CD84: variants seen among roughly 807,000 people sequenced by gnomAD.
The protein encoded by CD84 is CD84 molecule.
In CD84, 22 loss-of-function variants were observed where a neutral mutation model predicts 33.8. The ratio of observed to expected loss-of-function variants is 0.65; its 90% CI spans 0.46 to 0.93. The LOEUF is 0.93. Among genes scored for constraint, CD84 ranks in the 40% least tolerant of loss-of-function variants. The pLI, the probability that CD84 is intolerant of heterozygous loss-of-function variation, is 0.00. For synonymous variants in CD84, 154 were observed against 145.2 expected, an observed-to-expected ratio of 1.06 and a Z score of -0.44; for missense variants, 400 against 397.6, an observed-to-expected ratio of 1.01 and a Z score of -0.05.
intron 1 of CD84, among the ~76,000 whole-genome samples, chr1:160,567,768 T>C (rs872406): frequency 0.05 from 7,568 of 152,160 alleles, 642 homozygotes; most frequent in African/African-American, 0.17. Context: ...TGCCAAAATT[T>C]AAGAACATTA....
At chr1:160,559,602 T>C (rs1267171928) in intron 2 of CD84, among the ~76,000 whole-genome samples, 1 of 152,102 alleles carries the variant, frequency 6.6e-6, no homozygotes, top group East Asian at 1.9e-4. Flanking sequence ...GCTAGCATAA[T>C]GATGACACGA....
rs534642881 is a variant in CD84, at chr1:160,550,079, C to A, written c.859-100G>T. ...TACCCACCATCCTTCCCTGGTCCCA[C>A]ATTTACTGGGTGGCCTCCCCTTTGG... On this transcript the variant is annotated intron_variant, in intron 5 of 6. Coordinates refer to ENST00000368054, the MANE Select transcript of CD84 (RefSeq NM_003874.4). 38 of 845,658 alleles carry A rather than the reference C, an allele frequency of 4.5e-5. No homozygotes were observed. The East Asian group carries it at 7.3e-4, about 16-fold the overall frequency. The allele number at this position is 845,658 out of a possible 1,614,324, so 52.4% of individuals were successfully genotyped here.
chr1:160,551,371 G>T, intron 4 of CD84: 1 of 267,116 alleles, frequency 3.7e-6, no homozygotes, highest in East Asian at 1.2e-4. Flanking sequence ...TGTCTTGCAT[G>T]GCTAGTTGAC....
chr1:160,546,464 G>A lies in CD84; in HGVS notation c.*1792C>T, dbSNP rs2102113888. 2 of 152,378 alleles carry A rather than the reference G, an allele frequency of 1.3e-5. No individual in the cohort carries two copies. Among genetic ancestry groups the A allele is most frequent in the Non-Finnish European group, 1.5e-5 (1 of 68,068 alleles). 9.4% of individuals were successfully genotyped at this position (152,378 alleles called of 1,614,324 possible). A position where few individuals can be genotyped will look rare whatever the true frequency, so the allele number is the denominator to read the frequency against. On this transcript the variant is annotated 3_prime_UTR_variant, in exon 7 of 7. Coordinates refer to ENST00000368054, the MANE Select transcript of CD84 (RefSeq NM_003874.4). ...TCCTGATACCAGGGAAAGCTTTACA[G>A]AAGAGGTACCTTTTGAGGTGGGCAT...
intron 1 of CD84, among the ~76,000 whole-genome samples, chr1:160,574,184 G>A (rs1657864790): frequency 6.6e-6 from 1 of 150,846 alleles, no homozygotes; most frequent in South Asian, 2.1e-4. Flanking sequence ...AGAAAAACAA[G>A]GCAGAAAATC....
At chr1:160,561,775 G>A (rs796573837) in intron 2 of CD84, among the ~76,000 whole-genome samples, 12 of 152,048 alleles carry the variant, frequency 7.9e-5, no homozygotes, top group African/African-American at 2.7e-4. Flanking sequence ...CATAATCTCA[G>A]GCCAATATTT....
chr1:160,563,427 C>A (rs1449292176), intron 2 of CD84, among the ~76,000 whole-genome samples: 1 of 152,084 alleles, frequency 6.6e-6, no homozygotes, highest in African/African-American at 2.4e-5. Flanking sequence ...TAAAAAGGAA[C>A]AAGATCATGT....
rs1017990633 is a variant in CD84, at chr1:160,553,157, C to G, written c.760+221G>C. On this transcript the variant is annotated intron_variant, in intron 4 of 6. Transcript: ENST00000368054. Reference sequence around the variant, plus strand: ...ACTAAGCTCGAACCCATGTTCTGGGCCCACCAGCTACTGGTGATCTCAGGA... The same window carrying G: ...ACTAAGCTCGAACCCATGTTCTGGGGCCACCAGCTACTGGTGATCTCAGGA... The G allele has an allele frequency of 3.6e-5, 26 of 717,388 alleles. No individual in the cohort carries two copies. The African/African-American group carries it at 3.9e-4, about 11-fold the overall frequency. 44.4% of individuals were successfully genotyped at this position (717,388 alleles called of 1,614,324 possible). A position where few individuals can be genotyped will look rare whatever the true frequency, so the allele number is the denominator to read the frequency against.
At chr1:160,562,998 A>G (rs574434400) in intron 2 of CD84, among the ~76,000 whole-genome samples, 1 of 152,350 alleles carries the variant, frequency 6.6e-6, no homozygotes, top group African/African-American at 2.4e-5. Context: ...AAAGCTAAAC[A>G]TCACTGATCA....
intron 1 of CD84, among the ~76,000 whole-genome samples, chr1:160,569,530 ACACACACACACG>A (rs763107360): frequency 1.5e-4 from 20 of 131,256 alleles, no homozygotes; most frequent in South Asian, 1.1e-3. Flanking sequence ...ACACACACAC[ACACACACACACG>A]CACGCACGCA....
intron 1 of CD84, among the ~76,000 whole-genome samples, chr1:160,577,523 A>T (rs1018121783): frequency 3.9e-5 from 6 of 152,124 alleles, no homozygotes; most frequent in African/African-American, 1.4e-4. Context: ...TCTCACTCCT[A>T]GTTTCCTTTT....
intron 1 of CD84, among the ~76,000 whole-genome samples, chr1:160,572,908 T>C (rs764006073): frequency 2.6e-5 from 4 of 152,118 alleles, no homozygotes; most frequent in Non-Finnish European, 4.4e-5. Context: ...GGATGACCAG[T>C]GTTGAAAGAG....
rs187807463 is a variant in CD84 at position 160,554,152 on chromosome 1, G to A, written c.389-6C>T. ...TTTTGGTTTCCCAAGCCGACCTGTG[G>A]GGGCAAACACATGAGCCAATAGTGA... On this transcript the variant is annotated splice_polypyrimidine_tract_variant and splice_region_variant and intron_variant, in intron 2 of 6. Coordinates refer to ENST00000368054, the MANE Select transcript of CD84 (RefSeq NM_003874.4). 2.1e-3 allele frequency: 3,373 copies of A among 1,606,430 alleles called. 19 individuals carry two copies. Among genetic ancestry groups the A allele is most frequent in the Middle Eastern group, 7.3e-3 (44 of 6,018 alleles).
chr1:160,572,431 G>T (rs915749177), intron 1 of CD84, among the ~76,000 whole-genome samples: 15 of 152,176 alleles, frequency 9.9e-5, no homozygotes, highest in African/African-American at 3.6e-4. Flanking sequence ...GTTATCTTGA[G>T]AAAATTATTG....
At chr1:160,573,251 A>C (rs974633599) in intron 1 of CD84, among the ~76,000 whole-genome samples, 4 of 152,324 alleles carry the variant, frequency 2.6e-5, no homozygotes, top group African/African-American at 9.6e-5. Context: ...AAATTCTTCA[A>C]GGCTGGGCAA....
At chr1:160,565,294 A>G in intron 2 of CD84, 110 bp downstream of exon 2, 1 of 725,160 alleles carries the variant, frequency 1.4e-6, no homozygotes, top group South Asian at 1.9e-5. Flanking sequence ...AAGTATTTAT[A>G]GATATAAAAA....
intron 1 of CD84, among the ~76,000 whole-genome samples, chr1:160,573,848 C>T (rs4284260): frequency 7.9e-5 from 12 of 152,172 alleles, no homozygotes; most frequent in Admixed American, 5.2e-4. Flanking sequence ...CCTCCAAGAA[C>T]TAGTGGATGA....
intron 3 of CD84, 52 bp downstream of exon 3, chr1:160,553,843 T>A (rs1367457124): frequency 6.2e-7 from 1 of 1,613,072 alleles, no homozygotes; most frequent in Non-Finnish European, 8.5e-7. Flanking sequence ...ACCTTGCAGC[T>A]CCTCAGAGTG....
intron 2 of CD84, among the ~76,000 whole-genome samples, chr1:160,556,463 C>T (rs1265821652): frequency 1.3e-5 from 2 of 152,142 alleles, no homozygotes; most frequent in Non-Finnish European, 2.9e-5. Flanking sequence ...TTCTAATTAC[C>T]TATTTACTTA....
Sources: gnomAD v4.1 joint callset for allele counts (sites outside exome capture counted in the v4.1 genomes callset) on GRCh38, gnomAD v4.1.1 for gene constraint, MANE v1.5 for transcripts, NCBI Gene and HGNC (gene_info 2026-07-23, HGNC 2026-07-21) for gene names.